Variants in FBXO41 observed in about 807,000 individuals in gnomAD.
FBXO41 encodes the protein F-box protein 41.
A neutral mutation model predicts 81.6 loss-of-function variants in FBXO41; 33 were observed. The ratio of observed to expected loss-of-function variants is 0.40; its 90% CI spans 0.31 to 0.54. FBXO41 has a LOEUF of 0.54. Among genes scored for constraint, FBXO41 ranks in the 20% least tolerant of loss-of-function variants. The pLI is 0.39. For synonymous variants in FBXO41, 576 were observed against 552.7 expected, an observed-to-expected ratio of 1.04 and a Z score of -0.59; for missense variants, 1,107 against 1,236.0, an observed-to-expected ratio of 0.90 and a Z score of 1.56.
At chr2:73,261,534 G>C (rs1688021359) in intron 9 of FBXO41, among the ~76,000 whole-genome samples, 1 of 152,182 alleles carries the variant, frequency 6.6e-6, no homozygotes, top group African/African-American at 2.4e-5. Flanking sequence ...GGCCCTGGGG[G>C]TACAGCGGTG....
intron 1 of FBXO41, among the ~76,000 whole-genome samples, chr2:73,281,166 C>G (rs1204181307): frequency 6.6e-6 from 1 of 152,224 alleles, no homozygotes; most frequent in African/African-American, 2.4e-5. Context: ...ATGTTAGGCA[C>G]TGGGTACACA....
chr2:73,271,382 T>G (rs1166148803), intron 1 of FBXO41: 1 of 168,824 alleles, frequency 5.9e-6, no homozygotes, highest in Non-Finnish European at 1.3e-5. Context: ...GCACCAAAGT[T>G]GAGCCAGTGA....
chr2:73,276,226 A>T (rs7567862), intron 1 of FBXO41, among the ~76,000 whole-genome samples: 39,510 of 150,078 alleles, frequency 0.26, 7,018 homozygotes, highest in African/African-American at 0.48. Flanking sequence ...CCTGGCCAAC[A>T]GGGTGAAACC....
chr2:73,279,726 A>G (rs747046762), intron 1 of FBXO41, among the ~76,000 whole-genome samples: 1 of 152,204 alleles, frequency 6.6e-6, no homozygotes, highest in Non-Finnish European at 1.5e-5. Context: ...AGTGAATACA[A>G]GAAGCTCAAC....
Position 73,268,735 on chromosome 2 carries a change from C to A in FBXO41, c.896G>T (p.Arg299Leu). 1.3e-6 allele frequency: 2 copies of A among 1,540,722 alleles called. No individual in the cohort carries two copies. Among genetic ancestry groups the A allele is most frequent in the Non-Finnish European group, 1.8e-6 (2 of 1,138,530 alleles). The change falls in exon 2 of 13, where the codon CGC (arginine) becomes CTC (leucine). Residue 299 changes from arginine to leucine, a missense_variant. Arg to Leu is a moderately radical substitution (Grantham distance 102). Around this residue, in one of 2 missense-constraint regions of FBXO41, gnomAD observed 771 missense variants for 789.2 expected, o/e 0.98. Transcript: ENST00000520530. ...CCGAGGGTCTACTCACTGCTGCTTGCGGCTCAGCTCCTGTTCCTTGTGCAC... is the reference window on the plus strand; with the variant it reads ...CCGAGGGTCTACTCACTGCTGCTTGAGGCTCAGCTCCTGTTCCTTGTGCAC... ...DLVHKEQELS[R>L]KQQEVVQIDQ...
chr2:73,267,157 C>G (rs1229484408), intron 2 of FBXO41, among the ~76,000 whole-genome samples: 1 of 152,196 alleles, frequency 6.6e-6, no homozygotes, highest in African/African-American at 2.4e-5. Flanking sequence ...CTTAGAGCCA[C>G]CAGCCATGTC....
intron 1 of FBXO41, among the ~76,000 whole-genome samples, chr2:73,283,592 C>T (rs1003129510): frequency 3.9e-5 from 6 of 152,220 alleles, no homozygotes; most frequent in Admixed American, 3.3e-4. Flanking sequence ...CACTCACATG[C>T]AAGGCAATGC....
Position 73,268,733 on chromosome 2 carries a change from T to G in FBXO41, c.898A>C (p.Lys300Gln), listed in dbSNP as rs763516160. The G allele has an allele frequency of 6.5e-7, 1 of 1,540,658 alleles. No individual in the cohort carries two copies. Among genetic ancestry groups the G allele is most frequent in the Non-Finnish European group, 8.8e-7 (1 of 1,138,402 alleles). Residue 300 changes from lysine (K) to glutamine (Q), a missense_variant, in exon 2 of 13, where the codon AAG becomes CAG. This residue lies in a region of FBXO41 where 771 missense variants were observed against 789.2 expected (regional missense o/e 0.98). Coordinates refer to ENST00000520530, the MANE Select transcript of FBXO41 (RefSeq NM_001371389.2). ...CCCCGAGGGTCTACTCACTGCTGCT[T>G]GCGGCTCAGCTCCTGTTCCTTGTGC... The part of the protein sequence containing the change: ...LVHKEQELSR[K>Q]QQEVVQIDQF...
rs570138439 is a variant in FBXO41 at position 73,278,511 on chromosome 2, G to T, written c.-139+5649C>A. 1.5e-4 allele frequency among the ~76,000 whole-genome samples: 23 copies of T among 152,326 alleles called. 1 individual carries two copies. The South Asian group carries it at 4.3e-3, about 29-fold the overall frequency. ...ATGAGCTATACCAGGTGCTGTGCTAGGTTTGTTGAGGACAAAGACAAACAA... is the reference window on the plus strand; with the variant it reads ...ATGAGCTATACCAGGTGCTGTGCTATGTTTGTTGAGGACAAAGACAAACAA... On this transcript the variant is annotated intron_variant, in intron 1 of 12. Transcript: ENST00000520530.
rs1347197280 is a variant in FBXO41, at chr2:73,255,792, C to T, written c.*3190G>A. 4 of 152,554 alleles carry T rather than the reference C, an allele frequency of 2.6e-5. No individual in the cohort carries two copies. The highest frequency in any genetic ancestry group is 4.4e-5 in the Non-Finnish European group (3 of 68,072). The allele number at this position is 152,554 out of a possible 1,614,324, so 9.5% of individuals were successfully genotyped here. ...GGAGCCAAACCTTGGAGTAGCAGGC[C>T]TTGGGAAGGAGGACTTTTTTTTGTT... On this transcript the variant is annotated 3_prime_UTR_variant, in exon 13 of 13. Coordinates refer to ENST00000520530, the MANE Select transcript of FBXO41 (RefSeq NM_001371389.2).
intron 2 of FBXO41, 127 bp downstream of exon 2, chr2:73,268,599 G>T: frequency 1.1e-6 from 1 of 921,472 alleles, no homozygotes; most frequent in Non-Finnish European, 1.6e-6. Flanking sequence ...GCATGCTCCT[G>T]GCCACGGATC....
intron 5 of FBXO41, 67 bp downstream of exon 5, chr2:73,265,215 G>A: frequency 1.4e-6 from 2 of 1,415,696 alleles, no homozygotes; most frequent in Non-Finnish European, 1.9e-6. Context: ...AGGGGAGGGG[G>A]GTGCAGGAGC....
intron 1 of FBXO41, among the ~76,000 whole-genome samples, chr2:73,275,955 T>G (rs1321736231): frequency 6.6e-6 from 1 of 151,436 alleles, no homozygotes; most frequent in African/African-American, 2.4e-5. Context: ...CCCAGCTAAT[T>G]TTTGTATTTT....
chr2:73,267,957 C>T (rs1383786944), intron 2 of FBXO41, among the ~76,000 whole-genome samples: 3 of 152,080 alleles, frequency 2.0e-5, no homozygotes, highest in Non-Finnish European at 4.4e-5. Flanking sequence ...ATCGGAAAAT[C>T]AAAAAATTGT....
At chr2:73,267,633 C>T (rs934013093) in intron 2 of FBXO41, among the ~76,000 whole-genome samples, 6 of 152,140 alleles carry the variant, frequency 3.9e-5, no homozygotes, top group Admixed American at 2.6e-4. Context: ...TATACAAATG[C>T]TCCTTGGCTT....
intron 1 of FBXO41, among the ~76,000 whole-genome samples, chr2:73,270,286 GGCAGCTTTATGTGAT>G (rs1301308057): frequency 2.0e-5 from 3 of 152,190 alleles, no homozygotes; most frequent in African/African-American, 7.2e-5. Flanking sequence ...AGGGGCAGGA[GGCAGCTTTATGTGAT>G]GCGGAGAATG....
rs760716851 is a variant in FBXO41 at position 73,260,342 on chromosome 2, G to C, written c.2449+47C>G. On this transcript the variant is annotated intron_variant, in intron 11 of 12. Transcript: ENST00000520530. This position sits in a 1 kb window ranked among gnomAD's most constrained non-coding sequence, Gnocchi z 5.0. ...TTAGGATACCTGCTGACAGGGCCCCGTGGCAGGTGATAGTCGTACCCTGCC... is the reference window on the plus strand; with the variant it reads ...TTAGGATACCTGCTGACAGGGCCCCCTGGCAGGTGATAGTCGTACCCTGCC... The C allele has an allele frequency of 1.3e-6, 2 of 1,581,778 alleles. No homozygotes were observed. Among genetic ancestry groups the C allele is most frequent in the Non-Finnish European group, 1.7e-6 (2 of 1,160,136 alleles).
intron 1 of FBXO41, chr2:73,270,868 G>A (rs1688471121): frequency 1.9e-6 from 1 of 534,412 alleles, no homozygotes; most frequent in Admixed American, 1.9e-5. Context: ...CCACTGCCCT[G>A]TGATCAAGGT....
Position 73,266,556 on chromosome 2 carries a change from C to T in FBXO41, c.1032G>A (p.Gln344=), listed in dbSNP as rs1359295398. 1 of 1,609,716 alleles carries T rather than the reference C, an allele frequency of 6.2e-7. No homozygotes were observed. The change falls in exon 3 of 13, where the codon CAG becomes CAA. Residue 344 remains glutamine, a synonymous_variant. Transcript: ENST00000520530. This position sits in a 1 kb window ranked among gnomAD's most constrained non-coding sequence, Gnocchi z 5.3. ...ERADRAERQL[Q]VISSSCGSTP... ...TGCTGCCACAGCTGCTGCTGATGAC[C>T]TGCAGCTGCCGCTCGGCACGGTCAG...
Sources: gnomAD v4.1 joint callset for allele counts (sites outside exome capture counted in the v4.1 genomes callset) on GRCh38, gnomAD v4.1.1 for gene constraint, gnomAD v4.1.1 regional missense constraint, Gnocchi (gnomAD v3.1) non-coding constraint, MANE v1.5 for transcripts, NCBI Gene and HGNC (gene_info 2026-07-23, HGNC 2026-07-21) for gene names.